Variants in VPS13D observed in about 807,000 individuals in gnomAD.
The protein encoded by VPS13D is intermembrane lipid transfer protein VPS13D.
Under a neutral mutation model 461.9 loss-of-function variants are expected in VPS13D, and 187 were observed. That is an observed-to-expected ratio of 0.40 (90% CI 0.36 to 0.46). VPS13D has a LOEUF of 0.46. Among genes scored for constraint, VPS13D ranks in the 20% least tolerant of loss-of-function variants. The pLI is 0.60. For missense variants in VPS13D, 4,711 were observed against 5,364.9 expected (o/e 0.88, Z 3.81); for synonymous variants, 1,951 against 1,986.3 (o/e 0.98, Z 0.47).
chr1:12,315,249 CA>C (rs1323191840), intron 30 of VPS13D, among the ~76,000 whole-genome samples: 5 of 152,010 alleles, frequency 3.3e-5, no homozygotes, highest in African/African-American at 1.2e-4. Context: ...TGTGTTTAAG[CA>C]AAAAACAGAA....
chr1:12,321,784 C>T (rs774808097), intron 32 of VPS13D, 25 bp from the exon 33 acceptor site: 11 of 1,583,310 alleles, frequency 6.9e-6, no homozygotes, highest in Admixed American at 5.7e-5. Context: ...CATTAATTCT[C>T]GCCATATTGC....
Position 12,349,288 on chromosome 1 carries a change from T to C in VPS13D, c.9345T>C (p.His3115=), listed in dbSNP as rs1643744708. Residue 3115 remains histidine, a synonymous_variant, in exon 46 of 70, where the codon CAT becomes CAC. Coordinates refer to ENST00000620676, the MANE Select transcript of VPS13D (RefSeq NM_015378.4). Reference sequence around the variant, plus strand: ...TATTTTTCTGTAAGGCTCCCATTCATTGGACCAATGTAGTGAAGACTGCAG... The same window carrying C: ...TATTTTTCTGTAAGGCTCCCATTCACTGGACCAATGTAGTGAAGACTGCAG... ...LGVFFCKAPI[H]WTNVVKTAEI... The C allele has an allele frequency of 1.2e-6, 2 of 1,614,192 alleles. No individual in the cohort carries two copies. Among genetic ancestry groups the C allele is most frequent in the Non-Finnish European group, 1.7e-6 (2 of 1,180,034 alleles).
At chr1:12,369,045 A>G (rs565234072) in intron 53 of VPS13D, among the ~76,000 whole-genome samples, 7 of 152,228 alleles carry the variant, frequency 4.6e-5, no homozygotes, top group Non-Finnish European at 8.8e-5. Context: ...TAGGTCTTAT[A>G]TGTGATGATC....
chr1:12,273,305 T>C (rs531060504), intron 18 of VPS13D, among the ~76,000 whole-genome samples, 170 bp downstream of exon 18: 1 of 152,324 alleles, frequency 6.6e-6, no homozygotes, highest in South Asian at 2.1e-4. Flanking sequence ...TGAAAACATA[T>C]CTTGGTAGAT....
chr1:12,395,994 G>GATAT (rs761986156), intron 60 of VPS13D, among the ~76,000 whole-genome samples: 1 of 38,194 alleles, frequency 2.6e-5, no homozygotes, highest in Non-Finnish European at 5.4e-5. Flanking sequence ...GAACTAATAG[G>GATAT]AGATATATAT....
chr1:12,321,107 C>T (rs933052315), intron 32 of VPS13D, among the ~76,000 whole-genome samples: 6 of 151,998 alleles, frequency 3.9e-5, no homozygotes, highest in Admixed American at 3.9e-4. Flanking sequence ...GGAGTCCTTT[C>T]TCTCTCTCTC....
At position 12,299,397 on chromosome 1, in the gene VPS13D, T is replaced by C. The variant is rs532475281; in HGVS notation, c.6216+13T>C. On this transcript the variant is annotated intron_variant, in intron 25 of 69. Transcript: ENST00000620676. The surrounding 1 kb of genome is among the most constrained non-coding windows in gnomAD (Gnocchi z 4.2). ...CCTACAAGATAAGGTGAGCAATCAGTATCCATTTCCTTTTCCGTTCAGCTA... is the reference window on the plus strand; with the variant it reads ...CCTACAAGATAAGGTGAGCAATCAGCATCCATTTCCTTTTCCGTTCAGCTA... 3 of 1,593,256 alleles carry C rather than the reference T, an allele frequency of 1.9e-6. No individual in the cohort carries two copies. The highest frequency in any genetic ancestry group is 1.3e-5 in the African/African-American group (1 of 74,124).
intron 28 of VPS13D, 67 bp downstream of exon 28, chr1:12,311,692 T>C: frequency 6.3e-7 from 1 of 1,593,236 alleles, no homozygotes; most frequent in Non-Finnish European, 8.6e-7. Flanking sequence ...TGTGTATCTA[T>C]TCCTCAAACT....
intron 60 of VPS13D, among the ~76,000 whole-genome samples, chr1:12,396,530 A>G (rs965617166): frequency 1.3e-5 from 2 of 152,180 alleles, no homozygotes; most frequent in Admixed American, 1.3e-4. Context: ...AAATATGTTC[A>G]GGAAACTAGT....
intron 52 of VPS13D, among the ~76,000 whole-genome samples, chr1:12,367,247 A>G (rs1396153862): frequency 6.6e-6 from 1 of 152,218 alleles, no homozygotes; most frequent in Non-Finnish European, 1.5e-5. Context: ...TCCTGTCTGT[A>G]GATTTGGGTC....
chr1:12,379,653 A>G (rs1570046810), intron 57 of VPS13D, 57 bp downstream of exon 57: 1 of 1,323,378 alleles, frequency 7.6e-7, no homozygotes, highest in East Asian at 2.3e-5. Context: ...TCTTTGAAAC[A>G]AAGTCTCTAC....
At chr1:12,306,318 C>T (rs1642563945) in intron 26 of VPS13D, among the ~76,000 whole-genome samples, 1 of 152,146 alleles carries the variant, frequency 6.6e-6, no homozygotes, top group African/African-American at 2.4e-5. Flanking sequence ...AAGAGTTGGA[C>T]TACGAATTTT....
At chr1:12,242,241 G>A (rs1340076074) in intron 2 of VPS13D, among the ~76,000 whole-genome samples, 3 of 152,204 alleles carry the variant, frequency 2.0e-5, no homozygotes, top group Non-Finnish European at 4.4e-5. Context: ...TAGATGAAGC[G>A]TATGGGCTGG....
intron 5 of VPS13D, among the ~76,000 whole-genome samples, chr1:12,248,079 G>A (rs1417409669): frequency 6.6e-6 from 1 of 151,768 alleles, no homozygotes; most frequent in African/African-American, 2.4e-5. Context: ...AATAGAGACG[G>A]GGTTTCACCA....
rs267597964 is a variant in VPS13D, at chr1:12,383,096, C to G, written c.11311C>G (p.Pro3771Ala). ...EQQFINQKMR[P>A]GSGMLSIRVI... ...ACAATTTATTAATCAAAAAATGAGA[C>G]CTGGTTCTGGAATGTTATCCATCAG... Residue 3771 changes from proline to alanine, a missense_variant, in exon 58 of 70, where the codon CCT becomes GCT. Physicochemically the swap from Pro to Ala is conservative, Grantham distance 27. Around this residue, in one of 3 missense-constraint regions of VPS13D, gnomAD observed 4,411 missense variants for 4,937.8 expected, o/e 0.89. Coordinates refer to ENST00000620676, the MANE Select transcript of VPS13D (RefSeq NM_015378.4). 2 of 1,614,076 alleles carry G rather than the reference C, an allele frequency of 1.2e-6. No individual in the cohort carries two copies. The highest frequency in any genetic ancestry group is 1.7e-6 in the Non-Finnish European group (2 of 1,180,010).
intron 65 of VPS13D, among the ~76,000 whole-genome samples, chr1:12,418,875 G>C (rs960174897): frequency 6.6e-6 from 1 of 152,176 alleles, no homozygotes; most frequent in Non-Finnish European, 1.5e-5. Context: ...AACCTCCATA[G>C]TTCACTGGGT....
At chr1:12,291,256 GT>G in intron 23 of VPS13D, 132 bp downstream of exon 23, 1 of 939,838 alleles carries the variant, frequency 1.1e-6, no homozygotes, top group Non-Finnish European at 1.6e-6. Flanking sequence ...AGAAGTTATG[GT>G]TATGAGGAGT....
In VPS13D at chr1:12,283,741, C is replaced by A. The variant is rs762188696; in HGVS notation, c.5634+5C>A. 6.2e-7 allele frequency: 1 copy of A among 1,604,910 alleles called. No homozygotes were observed. The highest frequency in any genetic ancestry group is 8.5e-7 in the Non-Finnish European group (1 of 1,174,290). On this transcript the variant is annotated splice_donor_5th_base_variant and intron_variant, in intron 21 of 69. Coordinates refer to ENST00000620676, the MANE Select transcript of VPS13D (RefSeq NM_015378.4). ...AACACCAAACTGGATCTCAAGGTAT[C>A]CTCAGTTCCCTTTGGCTCCCTTAAG...
In VPS13D at chr1:12,283,218, C is replaced by T; in HGVS notation, c.5116C>T (p.Leu1706Phe). 4 of 1,614,116 alleles carry T rather than the reference C, an allele frequency of 2.5e-6. No homozygotes were observed. Among genetic ancestry groups the T allele is most frequent in the Non-Finnish European group, 3.4e-6 (4 of 1,180,006 alleles). Reference protein sequence around the residue: ...KPSSLAQKEYLSQSCPSVSNV... With the variant: ...KPSSLAQKEYFSQSCPSVSNV... ...ATCTAGTTTAGCACAAAAAGAATAC[C>T]TTTCTCAGTCTTGCCCCTCAGTGTC... Residue 1706 changes from leucine (L) to phenylalanine (F), a missense_variant, in exon 21 of 70, where the codon CTT becomes TTT. Physicochemically the swap from Leu to Phe is conservative, Grantham distance 22. Transcript: ENST00000620676.
Sources: allele counts gnomAD v4.1 joint callset (sites outside exome capture counted in the v4.1 genomes callset), GRCh38; gene constraint gnomAD v4.1.1; regional missense constraint gnomAD v4.1.1; non-coding constraint Gnocchi (gnomAD v3.1); transcripts MANE v1.5; gene names NCBI Gene and HGNC (gene_info 2026-07-23, HGNC 2026-07-21).